COL6A6: variants seen among roughly 807,000 people sequenced by gnomAD.
The protein encoded by COL6A6 is collagen type VI alpha 6 chain.
Under a neutral mutation model 208.6 loss-of-function variants are expected in COL6A6, and 183 were observed. The ratio of observed to expected loss-of-function variants is 0.88; its 90% CI spans 0.78 to 0.99. The LOEUF is 0.99. COL6A6 is among the 50% of genes least tolerant of loss of function. COL6A6 has a pLI of 0.00. For synonymous variants in COL6A6, 973 were observed against 1,011.8 expected (o/e 0.96, Z 0.73); for missense variants, 2,816 against 2,815.2 (o/e 1.00, Z -0.01).
chr3:130,597,892 T>A (rs890812765), intron 18 of COL6A6, among the ~76,000 whole-genome samples: 4 of 152,294 alleles, frequency 2.6e-5, no homozygotes, highest in Non-Finnish European at 5.9e-5. Flanking sequence ...TCAGTGTCAC[T>A]TAGTGTGCTT....
At chr3:130,564,922 A>G in intron 3 of COL6A6, 72 bp from the exon 4 acceptor site, 1 of 1,531,390 alleles carries the variant, frequency 6.5e-7, no homozygotes, top group Non-Finnish European at 8.9e-7. Flanking sequence ...TATGGTCTTC[A>G]TGCCTTCTAA....
At chr3:130,572,313 T>G (rs2107941186) in intron 7 of COL6A6, among the ~76,000 whole-genome samples, 1 of 152,344 alleles carries the variant, frequency 6.6e-6, no homozygotes, top group Admixed American at 6.5e-5. Flanking sequence ...CCTTCATCAT[T>G]TTACTATCAT....
intron 1 of COL6A6, among the ~76,000 whole-genome samples, chr3:130,551,125 T>TG (rs1349593881): frequency 1.3e-5 from 1 of 74,198 alleles, no homozygotes; most frequent in Non-Finnish European, 5.0e-5. Flanking sequence ...GAAGCTTTTT[T>TG]TTTTTCTGTG....
Position 130,563,306 on chromosome 3 carries a change from TGGCGGG to T in COL6A6, c.304_309del (p.Gly102_Gly103del). ...ACCTAAGGAAGAACTTTGGATTCAT[TGGCGGG>T]TCCCTGCAGATAGGAAAGGCTCTTC... On this transcript the variant is annotated inframe_deletion, in exon 3 of 37. Transcript: ENST00000358511. The T allele has an allele frequency of 6.2e-7, 1 of 1,613,996 alleles. No homozygotes were observed. Among genetic ancestry groups the T allele is most frequent in the African/African-American group, 1.3e-5 (1 of 75,046 alleles).
chr3:130,609,458 C>T lies in COL6A6; in HGVS notation c.4752+494C>T, dbSNP rs375116329. The stretch of plus-strand genomic sequence containing the variant: ...GCTGACTTCTCCAGGGAGCTACCTC[C>T]GGCACTTTTTCCTTTGCAAGGAACA... On this transcript the variant is annotated intron_variant, in intron 22 of 36. Transcript: ENST00000358511. Among the ~76,000 whole-genome samples the T allele has an allele frequency of 1.2e-4, 18 of 152,288 alleles. No homozygotes were observed. In the East Asian group the frequency reaches 1.4e-3, roughly 11 times the overall value.
chr3:130,536,003 G>A (rs1165261533), intron 1 of COL6A6, among the ~76,000 whole-genome samples: 1 of 152,114 alleles, frequency 6.6e-6, no homozygotes, highest in African/African-American at 2.4e-5. Flanking sequence ...AATACTAAAT[G>A]GTAGCTGATA....
At chr3:130,635,063 C>T (rs1276885357) in intron 27 of COL6A6, among the ~76,000 whole-genome samples, 3 of 151,956 alleles carry the variant, frequency 2.0e-5, no homozygotes, top group Non-Finnish European at 2.9e-5. Context: ...GGCAAAACCC[C>T]ATCTCTACGA....
chr3:130,628,431 A>G (rs1463914351), intron 26 of COL6A6, among the ~76,000 whole-genome samples: 6 of 152,220 alleles, frequency 3.9e-5, no homozygotes, highest in Non-Finnish European at 8.8e-5. Flanking sequence ...GTTACATTGC[A>G]TTTTTAAAAG....
chr3:130,541,562 C>T lies in COL6A6; in HGVS notation c.-31-18772C>T, dbSNP rs547151979. Among the ~76,000 whole-genome samples the T allele has an allele frequency of 5.9e-5, 9 of 152,266 alleles. No individual in the cohort carries two copies. The South Asian group carries it at 1.9e-3, about 32-fold the overall frequency. On this transcript the variant is annotated intron_variant, in intron 1 of 36. Coordinates refer to ENST00000358511, the MANE Select transcript of COL6A6 (RefSeq NM_001102608.3). Reference sequence around the variant, plus strand: ...CAAAGTGGCTATGCCATTTTGCATTCCCATGAGCAATGAATCAGAGTTCAT... The same window carrying T: ...CAAAGTGGCTATGCCATTTTGCATTTCCATGAGCAATGAATCAGAGTTCAT...
intron 1 of COL6A6, among the ~76,000 whole-genome samples, chr3:130,537,278 ACTCAAT>A (rs2062248296): frequency 6.6e-6 from 1 of 152,080 alleles, no homozygotes; most frequent in African/African-American, 2.4e-5. Context: ...TAACCCTCTA[ACTCAAT>A]CTCATCTGTA....
rs567427258 is a variant in COL6A6, at chr3:130,571,174, G to A, written c.2758G>A (p.Asp920Asn). 86 of 1,613,448 alleles carry A rather than the reference G, an allele frequency of 5.3e-5. No homozygotes were observed. The highest frequency in any genetic ancestry group is 1.6e-4 in the South Asian group (15 of 90,970). ...GVPQVLIVITDGESHDADKLN... is the reference protein window; with the variant it reads ...GVPQVLIVITNGESHDADKLN... ...CCCCCAAGTCCTCATTGTGATCACC[G>A]ATGGGGAATCCCATGATGCTGATAA... The change falls in exon 7 of 37, where the codon GAT (aspartate) becomes AAT (asparagine). Residue 920 changes from aspartate (D) to asparagine (N), a missense_variant. Asp to Asn is a conservative substitution (Grantham distance 23). Coordinates refer to ENST00000358511, the MANE Select transcript of COL6A6 (RefSeq NM_001102608.3).
At chr3:130,614,042 C>T (rs2064436821) in intron 23 of COL6A6, among the ~76,000 whole-genome samples, 1 of 152,120 alleles carries the variant, frequency 6.6e-6, no homozygotes. Context: ...GCCAGGACTT[C>T]CAGTACTATG....
At chr3:130,617,372 G>GT (rs1301399184) in intron 23 of COL6A6, among the ~76,000 whole-genome samples, 1 of 152,212 alleles carries the variant, frequency 6.6e-6, no homozygotes, top group Non-Finnish European at 1.5e-5. Flanking sequence ...AAAGAATGGA[G>GT]TTAAATGAGA....
At chr3:130,580,976 A>T (rs1015424269) in intron 8 of COL6A6, among the ~76,000 whole-genome samples, 6 of 150,736 alleles carry the variant, frequency 4.0e-5, no homozygotes, top group Non-Finnish European at 7.4e-5. Context: ...ACCAAGCAAG[A>T]TCTCAAAGGA....
chr3:130,622,222 T>C, intron 24 of COL6A6, among the ~76,000 whole-genome samples: 1 of 138,036 alleles, frequency 7.2e-6, no homozygotes, highest in African/African-American at 2.8e-5. Context: ...TTTTTTTTTT[T>C]CCTTTCCTCC....
At chr3:130,604,074 C>T (rs2064107230) in intron 20 of COL6A6, among the ~76,000 whole-genome samples, 1 of 152,180 alleles carries the variant, frequency 6.6e-6, no homozygotes, top group Non-Finnish European at 1.5e-5. Context: ...GGAATTTCAT[C>T]TTTCTCATAT....
At chr3:130,620,863 A>G (rs181681276) in intron 23 of COL6A6, among the ~76,000 whole-genome samples, 1 of 152,316 alleles carries the variant, frequency 6.6e-6, no homozygotes, top group Admixed American at 6.5e-5. Context: ...AATTGTGCAA[A>G]TGATTTCAGC....
chr3:130,674,729 C>T (rs1219711286), intron 36 of COL6A6, among the ~76,000 whole-genome samples: 1 of 152,130 alleles, frequency 6.6e-6, no homozygotes, highest in Non-Finnish European at 1.5e-5. Flanking sequence ...ATCTCATGAA[C>T]CTTCTGTCTG....
At chr3:130,586,375 G>T in intron 10 of COL6A6, 131 bp from the exon 11 acceptor site, 1 of 674,748 alleles carries the variant, frequency 1.5e-6, no homozygotes, top group Non-Finnish European at 2.5e-6. Flanking sequence ...TCATGTGTTT[G>T]GGGGAAGTGG....
Sources: gnomAD v4.1 joint callset for allele counts (sites outside exome capture counted in the v4.1 genomes callset) on GRCh38, gnomAD v4.1.1 for gene constraint, MANE v1.5 for transcripts, NCBI Gene and HGNC (gene_info 2026-07-23, HGNC 2026-07-21) for gene names.